Variants in IFT140 observed in about 807,000 individuals in gnomAD.
IFT140 encodes the protein intraflagellar transport 140, also known as intraflagellar transport protein 140 homolog.
In IFT140, 133 loss-of-function variants were observed where a neutral mutation model predicts 164.6. The observed-to-expected ratio is 0.81, with a 90% CI of 0.70 to 0.93. The LOEUF is 0.93. Among genes scored for constraint, IFT140 ranks in the 40% least tolerant of loss-of-function variants. The pLI is 0.00. For missense variants in IFT140, 2,045 were observed against 1,972.3 expected (o/e 1.04, Z -0.70); for synonymous variants, 860 against 817.3 (o/e 1.05, Z -0.89).
At chr16:1,540,340 C>T (rs2031512186) in intron 19 of IFT140, among the ~76,000 whole-genome samples, 1 of 152,230 alleles carries the variant, frequency 6.6e-6, no homozygotes, top group South Asian at 2.1e-4. Flanking sequence ...ACGGATACTT[C>T]TAACCACGTA....
chr16:1,602,140 G>A (rs1003974079), intron 4 of IFT140: 23 of 561,008 alleles, frequency 4.1e-5, no homozygotes, highest in South Asian at 3.9e-4. Flanking sequence ...GTATCTTTAC[G>A]AATGCAGTTT....
Position 1,580,789 on chromosome 16 carries a change from C to G in IFT140, c.1494G>C (p.Glu498Asp). The G allele has an allele frequency of 6.2e-7, 1 of 1,614,000 alleles. No homozygotes were observed. Among genetic ancestry groups the G allele is most frequent in the Non-Finnish European group, 8.5e-7 (1 of 1,179,892 alleles). Residue 498 changes from glutamate to aspartate, a missense_variant, in exon 13 of 31, where the codon GAG becomes GAC. Physicochemically the swap from Glu to Asp is conservative, Grantham distance 45. Transcript: ENST00000426508. ...AGGTTCGAACTTGAACTCGGTTTGA[C>G]TCCACCGTGTAAACGTTTTCTTCAT... The part of the protein sequence containing the change: ...AMHEENVYTV[E>D]SNRVQVRTWQ...
Position 1,516,139 on chromosome 16 carries a change from CAAAAAAAAAAAAAAAAAAAAAAAAA to C in IFT140, c.4182+2052_4182+2076del, listed in dbSNP as rs869165237. ...GGCTACAAAGAGCAAAACTCTGTCT[CAAAAAAAAAAAAAAAAAAAAAAAAA>C]AAAAAAAAAAAAAACACCAGAAATG... On this transcript the variant is annotated intron_variant, in intron 30 of 30. Transcript: ENST00000426508. Among the ~76,000 whole-genome samples the C allele has an allele frequency of 2.4e-4, 11 of 46,024 alleles. No homozygotes were observed. The South Asian group carries it at 7.6e-3, about 32-fold the overall frequency. The allele number at this position is 46,024 out of a possible 152,430, so 30.2% of individuals were successfully genotyped here.
Position 1,564,860 on chromosome 16 carries a change from C to T in IFT140, c.1902-698G>A, listed in dbSNP as rs79813122. 4.4e-3 allele frequency among the ~76,000 whole-genome samples: 669 copies of T among 152,264 alleles called. 3 individuals are homozygous for T. Among genetic ancestry groups the T allele is most frequent in the Middle Eastern group, 0.017 (5 of 294 alleles). ...CCCGGTGCTGCAGGACATGAAGATC[C>T]CCTAGTAAGCCACTGCACCCAGCAA... On this transcript the variant is annotated intron_variant, in intron 16 of 30. Coordinates refer to ENST00000426508, the MANE Select transcript of IFT140 (RefSeq NM_014714.4). This position sits in a 1 kb window ranked among gnomAD's most constrained non-coding sequence, Gnocchi z 5.5.
intron 13 of IFT140, among the ~76,000 whole-genome samples, chr16:1,572,109 C>T (rs530003552): frequency 3.9e-5 from 6 of 152,218 alleles, no homozygotes; most frequent in South Asian, 2.1e-4. Context: ...TTAGGCACGA[C>T]GCACCCACTC....
At chr16:1,562,446 C>T (rs1211049104) in intron 17 of IFT140, among the ~76,000 whole-genome samples, 2 of 152,158 alleles carry the variant, frequency 1.3e-5, no homozygotes, top group South Asian at 4.1e-4. Context: ...TTTAAAAGTT[C>T]TCCCTCTTTG....
intron 4 of IFT140, among the ~76,000 whole-genome samples, chr16:1,597,021 G>T (rs909191444): frequency 6.6e-6 from 1 of 152,196 alleles, no homozygotes; most frequent in African/African-American, 2.4e-5. Context: ...GGGGCTGATG[G>T]GAAAGTGGCG....
rs765346575 is a variant in IFT140, at chr16:1,519,903, T to C, written c.4018A>G (p.Lys1340Glu). The C allele has an allele frequency of 6.4e-7, 1 of 1,568,128 alleles. No homozygotes were observed. Among genetic ancestry groups the C allele is most frequent in the Non-Finnish European group, 8.6e-7 (1 of 1,159,916 alleles). ...AQLQSRMALV[K>E]RFIQARRTYT... ...CACCTGCGGGCCTGGATGAACCTCT[T>C]CACCAGTGCCATCCTGCTCTGCAGC... Residue 1340 changes from lysine to glutamate, a missense_variant, in exon 29 of 31, where the codon AAG becomes GAG. Coordinates refer to ENST00000426508, the MANE Select transcript of IFT140 (RefSeq NM_014714.4).
chr16:1,535,618 A>C (rs938029166), intron 19 of IFT140, among the ~76,000 whole-genome samples: 1 of 152,186 alleles, frequency 6.6e-6, no homozygotes, highest in Admixed American at 6.5e-5. Flanking sequence ...CTCCATCCCC[A>C]ACCTGCCGCG....
At chr16:1,536,282 C>T (rs895054107) in intron 19 of IFT140, among the ~76,000 whole-genome samples, 6 of 152,184 alleles carry the variant, frequency 3.9e-5, no homozygotes, top group African/African-American at 1.4e-4. Flanking sequence ...GCCTCTGGCA[C>T]GACCTATGCA....
intron 19 of IFT140, among the ~76,000 whole-genome samples, chr16:1,536,562 C>T (rs932687997): frequency 1.3e-5 from 2 of 152,330 alleles, no homozygotes; most frequent in East Asian, 3.9e-4. Flanking sequence ...TCCTTGTAAA[C>T]GGGACTCAGC....
chr16:1,565,040 G>A (rs763966221), intron 16 of IFT140, among the ~76,000 whole-genome samples: 5 of 152,218 alleles, frequency 3.3e-5, no homozygotes, highest in Admixed American at 2.6e-4. Flanking sequence ...GGCCTGGTAC[G>A]GGACGGGAAC....
At chr16:1,559,387 T>A (rs1376690159) in intron 18 of IFT140, among the ~76,000 whole-genome samples, 1 of 152,118 alleles carries the variant, frequency 6.6e-6, no homozygotes, top group East Asian at 1.9e-4. Context: ...GGACTGTCTA[T>A]CCCACGTCAC....
At chr16:1,522,490 G>A (rs905199309) in intron 26 of IFT140, among the ~76,000 whole-genome samples, 3 of 152,146 alleles carry the variant, frequency 2.0e-5, no homozygotes, top group Admixed American at 6.6e-5. Context: ...AGCTGAGATC[G>A]CCCCATTGCA....
intron 19 of IFT140, chr16:1,534,418 C>G: frequency 1.9e-6 from 3 of 1,612,512 alleles, no homozygotes; most frequent in Non-Finnish European, 2.5e-6. Flanking sequence ...CTGTGGAGGT[C>G]CTGCTGGCTG....
chr16:1,553,208 CTG>C lies in IFT140; in HGVS notation c.2399+4725_2399+4726del. 1 of 980,512 alleles carries C rather than the reference CTG, an allele frequency of 1.0e-6. No homozygotes were observed. The highest frequency in any genetic ancestry group is 6.1e-5 in the Admixed American group (1 of 16,272). 60.7% of individuals were successfully genotyped at this position (980,512 alleles called of 1,614,324 possible). The stretch of plus-strand genomic sequence containing the variant: ...TCTCTCCTTCCCTGTGTCTCTGTCT[CTG>C]TCTCTCTCTGTCTCCATCTGTCTCT... On this transcript the variant is annotated intron_variant, in intron 19 of 30. Transcript: ENST00000426508. The surrounding 1 kb of genome is among the most constrained non-coding windows in gnomAD (Gnocchi z 4.4).
At chr16:1,580,871 C>T (rs1356511525) in intron 12 of IFT140, 21 bp from the exon 13 acceptor site, 2 of 1,554,386 alleles carry the variant, frequency 1.3e-6, no homozygotes, top group Admixed American at 1.7e-5. Context: ...AGACGAACAT[C>T]AGGATGGCGG....
chr16:1,544,769 C>T (rs1022726921), intron 19 of IFT140, among the ~76,000 whole-genome samples: 2 of 152,006 alleles, frequency 1.3e-5, no homozygotes, highest in Non-Finnish European at 2.9e-5. Flanking sequence ...CTGCCTCAGC[C>T]TCCCGAGTAG....
chr16:1,526,423 G>A (rs1042927283), intron 20 of IFT140, 196 bp downstream of exon 20: 1 of 638,134 alleles, frequency 1.6e-6, no homozygotes, highest in Non-Finnish European at 2.6e-6. Context: ...ACACCCTGGA[G>A]AGCCGGCGGT....
Sources: gnomAD v4.1 joint callset for allele counts (sites outside exome capture counted in the v4.1 genomes callset) on GRCh38, gnomAD v4.1.1 for gene constraint, Gnocchi (gnomAD v3.1) non-coding constraint, MANE v1.5 for transcripts, NCBI Gene and HGNC (gene_info 2026-07-23, HGNC 2026-07-21) for gene names.